The following DPP4 variants were observed in gnomAD, a reference collection of about 807,000 sequenced individuals.
DPP4 encodes the protein ADCP-2.
A neutral mutation model predicts 122.4 loss-of-function variants in DPP4; 93 were observed. The ratio of observed to expected loss-of-function variants is 0.76; its 90% confidence interval spans 0.64 to 0.90. The LOEUF (loss-of-function observed/expected upper bound fraction) is 0.90. DPP4 is among the 40% of genes least tolerant of loss of function. The pLI is 0.00. For missense variants in DPP4, 914 were observed against 907.3 expected (o/e 1.01, Z -0.09); for synonymous variants, 321 against 302.9 (o/e 1.06, Z -0.62).
chr2:162,061,410 T>C (rs750345735), intron 2 of DPP4, among the ~76,000 whole-genome samples: 19 of 152,240 alleles, frequency 1.2e-4, no homozygotes, highest in Non-Finnish European at 1.8e-4. Flanking sequence ...TACTACTTAG[T>C]CCACATTCAT....
chr2:162,020,200 T>C lies in DPP4; in HGVS notation c.1244+29A>G, dbSNP rs929035548. On this transcript the variant is annotated intron_variant, in intron 14 of 25. Coordinates refer to ENST00000360534, the MANE Select transcript of DPP4 (RefSeq NM_001935.4). ...AGGGCATGATTATGACAAGTAGGTT[T>C]ATATCCTATCAATTGTTACAATACT... is the stretch of plus-strand genomic sequence containing the variant. The C allele has an allele frequency of 1.9e-6, 3 of 1,587,700 alleles. No homozygotes were observed. In the African/African-American group the frequency reaches 4.1e-5, roughly 22 times the overall value.
intron 1 of DPP4, 137 bp from the exon 2 acceptor site, chr2:162,073,623 T>A: frequency 1.4e-6 from 1 of 701,868 alleles, no homozygotes; most frequent in Non-Finnish European, 2.4e-6. Context: ...GGGCTGGGGG[T>A]GGGGGTGGCG....
At chr2:162,010,951 A>C (rs1682681986) in intron 20 of DPP4, among the ~76,000 whole-genome samples, 1 of 152,130 alleles carries the variant, frequency 6.6e-6, no homozygotes, top group South Asian at 2.1e-4. Flanking sequence ...ACAGAAACTC[A>C]AAGTTACATT....
chr2:162,029,239 A>T (rs946441257), intron 10 of DPP4, among the ~76,000 whole-genome samples: 1 of 152,218 alleles, frequency 6.6e-6, no homozygotes, highest in African/African-American at 2.4e-5. Context: ...AATTTGTGTA[A>T]ATGTTTCTTT....
chr2:161,995,215 T>TAA, intron 24 of DPP4, 85 bp downstream of exon 24: 1 of 1,381,064 alleles, frequency 7.2e-7, no homozygotes, highest in South Asian at 1.2e-5. Flanking sequence ...AATGTAACAG[T>TAA]CTTGCCCCTC....
At chr2:162,049,549 G>C (rs1230041892) in intron 2 of DPP4, among the ~76,000 whole-genome samples, 1 of 152,088 alleles carries the variant, frequency 6.6e-6, no homozygotes, top group Non-Finnish European at 1.5e-5. Flanking sequence ...TTAATACCAA[G>C]GCGATGGGTT....
intron 2 of DPP4, among the ~76,000 whole-genome samples, chr2:162,052,519 A>G (rs1462240824): frequency 6.6e-6 from 1 of 152,006 alleles, no homozygotes; most frequent in Non-Finnish European, 1.5e-5. Context: ...TGAGAAATAC[A>G]TTTCTGTTCT....
At chr2:162,047,257 A>T in intron 3 of DPP4, 146 bp downstream of exon 3, 1 of 492,760 alleles carries the variant, frequency 2.0e-6, no homozygotes, top group South Asian at 4.7e-5. Context: ...CTCCCTTTGC[A>T]CTTCAAGTAG....
Position 162,074,200 on chromosome 2 carries a change from C to G in DPP4, c.-219G>C, listed in dbSNP as rs1685228894. 2 of 1,230,464 alleles carry G rather than the reference C, an allele frequency of 1.6e-6. No homozygotes were observed. Among genetic ancestry groups the G allele is most frequent in the African/African-American group, 1.6e-5 (1 of 63,706 alleles). The allele number at this position is 1,230,464 out of a possible 1,614,324, so 76.2% of individuals were successfully genotyped here. A position where few individuals can be genotyped will look rare whatever the true frequency, so the allele number is the denominator to read the frequency against. ...GGCAGGCGGCGCGGGAGCAGGCGCGCGTGGCGCGGGGCACTGGCATCCCGG... is the reference window on the plus strand; with the variant it reads ...GGCAGGCGGCGCGGGAGCAGGCGCGGGTGGCGCGGGGCACTGGCATCCCGG... On this transcript the variant is annotated 5_prime_UTR_variant, in exon 1 of 26. Transcript: ENST00000360534.
chr2:162,036,961 A>G (rs1358547575), intron 8 of DPP4, among the ~76,000 whole-genome samples: 1 of 152,240 alleles, frequency 6.6e-6, no homozygotes, highest in Non-Finnish European at 1.5e-5. Context: ...GCAATTACAT[A>G]AAATCAATAT....
intron 23 of DPP4, among the ~76,000 whole-genome samples, chr2:162,002,567 T>G (rs1701178008): frequency 6.6e-6 from 1 of 152,158 alleles, no homozygotes; most frequent in East Asian, 1.9e-4. Context: ...TATTTCCTTC[T>G]GATCCACTGA....
intron 22 of DPP4, 134 bp from the exon 23 acceptor site, chr2:162,005,943 T>G (rs1329884401): frequency 1.3e-5 from 10 of 744,952 alleles, no homozygotes; most frequent in Non-Finnish European, 2.0e-5. Context: ...CAGAAGTATC[T>G]CTATGTGGTT....
intron 10 of DPP4, among the ~76,000 whole-genome samples, chr2:162,028,172 G>C (rs1683406413): frequency 6.6e-6 from 1 of 151,988 alleles, no homozygotes; most frequent in Admixed American, 6.6e-5. Flanking sequence ...GACCAGCTTG[G>C]CCAGCATGGT....
intron 2 of DPP4, among the ~76,000 whole-genome samples, chr2:162,059,392 C>A (rs1010596502): frequency 2.0e-5 from 3 of 152,136 alleles, no homozygotes; most frequent in African/African-American, 7.2e-5. Flanking sequence ...CCGTGAAATC[C>A]GAGGTGATGA....
At chr2:162,024,124 G>T (rs762328684) in intron 11 of DPP4, among the ~76,000 whole-genome samples, 1 of 152,208 alleles carries the variant, frequency 6.6e-6, no homozygotes, top group South Asian at 2.1e-4. Context: ...GACTAGATAA[G>T]GGGGATTGGG....
At chr2:162,068,053 C>T (rs1685006367) in intron 2 of DPP4, among the ~76,000 whole-genome samples, 1 of 152,146 alleles carries the variant, frequency 6.6e-6, no homozygotes, top group Non-Finnish European at 1.5e-5. Flanking sequence ...AATAATGTAA[C>T]TTACATCAGA....
chr2:162,024,369 T>C (rs1366299339), intron 11 of DPP4, among the ~76,000 whole-genome samples: 1 of 152,238 alleles, frequency 6.6e-6, no homozygotes, highest in Non-Finnish European at 1.5e-5. Flanking sequence ...TTAAAGACAG[T>C]GACAGTATGG....
At chr2:162,014,338 T>G in intron 19 of DPP4, 58 bp downstream of exon 19, 2 of 1,438,726 alleles carry the variant, frequency 1.4e-6, no homozygotes, top group Non-Finnish European at 1.9e-6. Flanking sequence ...TAAGCTGCAC[T>G]GAGAAAAATA....
At chr2:162,005,896 A>T (rs1701272919) in intron 22 of DPP4, 87 bp from the exon 23 acceptor site, 1 of 986,234 alleles carries the variant, frequency 1.0e-6, no homozygotes, top group Non-Finnish European at 1.6e-6. Context: ...GTGTTTCCAT[A>T]TGTATTCACT....
Sources: allele counts gnomAD v4.1 joint callset (sites outside exome capture counted in the v4.1 genomes callset), GRCh38; gene constraint gnomAD v4.1.1; transcripts MANE v1.5; gene names NCBI Gene and HGNC (gene_info 2026-07-23, HGNC 2026-07-21).